The following SRRT variants were observed in gnomAD, a reference collection of about 807,000 sequenced individuals.
The protein encoded by SRRT is serrate, RNA effector molecule, also known as serrate RNA effector molecule homolog.
In SRRT, 32 loss-of-function variants were observed where a neutral mutation model predicts 103.2. The ratio of observed to expected loss-of-function variants is 0.31; its 90% CI spans 0.23 to 0.42. The LOEUF is 0.42. SRRT is among the 10% of genes least tolerant of loss of function. The probability of loss-of-function intolerance (pLI) is 1.00; values close to 1 mark genes in which losing one functional copy is unlikely to be tolerated. For synonymous variants in SRRT, 525 were observed against 449.0 expected, an observed-to-expected ratio of 1.17 and a Z score of -2.14; for missense variants, 986 against 1,207.5, an observed-to-expected ratio of 0.82 and a Z score of 2.72.
chr7:100,888,482 G>C lies in SRRT; in HGVS notation c.2564G>C (p.Arg855Pro), dbSNP rs1563028317. 1 of 1,614,146 alleles carries C rather than the reference G, an allele frequency of 6.2e-7. No individual in the cohort carries two copies. Among genetic ancestry groups the C allele is most frequent in the Non-Finnish European group, 8.5e-7 (1 of 1,180,006 alleles). ...TACCTCTCACCTCACAGGATGGTTC[G>C]TGGAGACCCAAGGGCCATTGTGGAA... ...YPGKPRNRMV[R>P]GDPRAIVEYR... The change falls in exon 20 of 20, where the codon CGT becomes CCT. Residue 855 changes from arginine to proline, a missense_variant. By Grantham distance (103) the Arg-to-Pro change is moderately radical (BLOSUM62 -2). Around this residue, in one of 6 missense-constraint regions of SRRT, gnomAD observed 178 missense variants for 189.6 expected, o/e 0.94. Transcript: ENST00000611405.
chr7:100,880,824 G>T, intron 2 of SRRT: 1 of 313,164 alleles, frequency 3.2e-6, no homozygotes, highest in Non-Finnish European at 6.5e-6. Context: ...CAGGCGGAAG[G>T]CCAGGCTGGG....
At position 100,887,642 on chromosome 7, in the gene SRRT, G is replaced by A. The variant is rs1431922728; in HGVS notation, c.2170-61G>A. ...CGGGAGCTGGGAATCCTTCCAGCTCGGGCCTGGGAGCGAGGCAACCCTTAT... is the reference window on the plus strand; with the variant it reads ...CGGGAGCTGGGAATCCTTCCAGCTCAGGCCTGGGAGCGAGGCAACCCTTAT... On this transcript the variant is annotated intron_variant, in intron 16 of 19. Transcript: ENST00000611405. This position sits in a 1 kb window ranked among gnomAD's most constrained non-coding sequence, Gnocchi z 4.1. The A allele has an allele frequency of 1.2e-5, 19 of 1,580,426 alleles. No homozygotes were observed. Among genetic ancestry groups the A allele is most frequent in the African/African-American group, 8.1e-5 (6 of 74,262 alleles).
chr7:100,886,075 C>T, intron 12 of SRRT, 134 bp downstream of exon 12: 2 of 1,310,692 alleles, frequency 1.5e-6, no homozygotes, highest in East Asian at 2.3e-5. Context: ...GCTACGTTGT[C>T]TCTGGGCAAG....
At position 100,884,397 on chromosome 7, in the gene SRRT, AATGATCTTCGCATCC is replaced by A; in HGVS notation, c.788_802del (p.Asn263_Leu268delinsMet). Reference sequence around the variant, plus strand: ...GATTAAGATGGAAGGAGGCACGGAGAATGATCTTCGCATCCTGGAGCAGGAGGAGGAGGAGGAGCA... The same window carrying A: ...GATTAAGATGGAAGGAGGCACGGAGATGGAGCAGGAGGAGGAGGAGGAGCA... On this transcript the variant is annotated inframe_deletion, in exon 7 of 20. Transcript: ENST00000611405. 6.2e-7 allele frequency: 1 copy of A among 1,613,468 alleles called. No homozygotes were observed. Among genetic ancestry groups the A allele is most frequent in the Non-Finnish European group, 8.5e-7 (1 of 1,179,814 alleles).
chr7:100,885,140 AG>A lies in SRRT; in HGVS notation c.1160-72del. Reference sequence around the variant, plus strand: ...GGAGGGTGGGTGGCTTTTAGGGGAAAGCTTCTGTATCCTCCCCACCACAATC... The same window carrying A: ...GGAGGGTGGGTGGCTTTTAGGGGAAACTTCTGTATCCTCCCCACCACAATC... On this transcript the variant is annotated intron_variant, in intron 9 of 19. Coordinates refer to ENST00000611405, the MANE Select transcript of SRRT (RefSeq NM_015908.6). The surrounding 1 kb of genome is among the most constrained non-coding windows in gnomAD (Gnocchi z 4.8). 1 of 1,601,976 alleles carries A rather than the reference AG, an allele frequency of 6.2e-7. No individual in the cohort carries two copies. Among genetic ancestry groups the A allele is most frequent in the Non-Finnish European group, 8.5e-7 (1 of 1,172,946 alleles).
At position 100,884,552 on chromosome 7, in the gene SRRT, G is replaced by A; in HGVS notation, c.942G>A (p.Gln314=). 3.8e-6 allele frequency: 6 copies of A among 1,597,380 alleles called. No homozygotes were observed. Among genetic ancestry groups the A allele is most frequent in the Non-Finnish European group, 5.1e-6 (6 of 1,170,790 alleles). ...ATGAGAAGAAGGAAGACGGCAAGCA[G>A]GTCCGAGCCCTGGGTCTCCTAGTGT... is the stretch of plus-strand genomic sequence containing the variant. ...DKDEKKEDGK[Q]AENDSSNDDK... The change falls in exon 7 of 20, where the codon CAG becomes CAA. Residue 314 remains glutamine, a splice_region_variant and synonymous_variant. Coordinates refer to ENST00000611405, the MANE Select transcript of SRRT (RefSeq NM_015908.6).
Position 100,884,997 on chromosome 7 carries a change from G to C in SRRT, c.1116G>C (p.Ser372=). 1 of 1,614,084 alleles carries C rather than the reference G, an allele frequency of 6.2e-7. No individual in the cohort carries two copies. The highest frequency in any genetic ancestry group is 8.5e-7 in the Non-Finnish European group (1 of 1,180,006). ...FDEGSVSESE[S]ESESGQAEEE... is the part of the protein sequence containing the mutation. ...AGGGCAGCGTGTCAGAGTCTGAGTC[G>C]GAGTCAGAGAGCGGCCAGGCTGAGG... Residue 372 remains serine (S), a synonymous_variant, in exon 9 of 20, where the codon TCG becomes TCC. Transcript: ENST00000611405.
At chr7:100,881,224 G>T in intron 2 of SRRT, 61 bp from the exon 3 acceptor site, 1 of 1,564,620 alleles carries the variant, frequency 6.4e-7, no homozygotes, top group Non-Finnish European at 8.7e-7. Flanking sequence ...AAAGTGCTTG[G>T]ATTACAGGCA....
rs1307079534 is a variant in SRRT at position 100,885,358 on chromosome 7, C to T, written c.1305C>T (p.Ala435=). 7 of 1,613,436 alleles carry T rather than the reference C, an allele frequency of 4.3e-6. No individual in the cohort carries two copies. The highest frequency in any genetic ancestry group is 1.7e-4 in the Middle Eastern group (1 of 6,056). The stretch of plus-strand genomic sequence containing the variant: ...ACATCGCGCCCAACATCTCCCGGGC[C>T]GAGATCATCTCCGTGAGTGGGGACC... ...MRNIAPNISR[A]EIISLCKRYP... The change falls in exon 10 of 20, where the codon GCC becomes GCT. Residue 435 remains alanine, a synonymous_variant. Transcript: ENST00000611405. The surrounding 1 kb of genome is among the most constrained non-coding windows in gnomAD (Gnocchi z 4.8).
chr7:100,886,222 G>A, intron 12 of SRRT, 25 bp from the exon 13 acceptor site: 1 of 1,601,682 alleles, frequency 6.2e-7, no homozygotes. Context: ...AGTGGGGTAA[G>A]CTGCTGATGA....
In SRRT at chr7:100,875,278, C is replaced by T; in HGVS notation, c.-69C>T. On this transcript the variant is annotated 5_prime_UTR_variant, in exon 1 of 20. Coordinates refer to ENST00000611405, the MANE Select transcript of SRRT (RefSeq NM_015908.6). ...TCGCGCGCCCGCGACCCAGGTCGCC[C>T]TGAAATCTAGCCCGTCCGAGCGCGA... 1.2e-6 allele frequency: 1 copy of T among 814,512 alleles called. No individual in the cohort carries two copies. Among genetic ancestry groups the T allele is most frequent in the Non-Finnish European group, 1.6e-6 (1 of 621,016 alleles). 50.5% of individuals were successfully genotyped at this position (814,512 alleles called of 1,614,324 possible). A position where few individuals can be genotyped will look rare whatever the true frequency, so the allele number is the denominator to read the frequency against.
At chr7:100,880,315 G>GT (rs1816166697) in intron 2 of SRRT, among the ~76,000 whole-genome samples, 1 of 151,984 alleles carries the variant, frequency 6.6e-6, no homozygotes, top group South Asian at 2.1e-4. Flanking sequence ...TCTTTTTTTG[G>GT]TGGGGGGGAT....
In SRRT at chr7:100,885,714, AC is replaced by A. The variant is rs1790024966; in HGVS notation, c.1334del (p.Pro445GlnfsTer23). ...TGCTTCTTGCAGCTTTGTAAAAGGT[AC>A]CCAGGCTTTATGCGGGTGGCGCTCT... Reference protein sequence around the residue: ...RAEIISLCKRYPGFMRVALSE... With the variant: ...RAEIISLCKRXPGFMRVALSE... On this transcript the variant is annotated frameshift_variant, in exon 11 of 20. Coordinates refer to ENST00000611405, the MANE Select transcript of SRRT (RefSeq NM_015908.6). LOFTEE classifies it high-confidence loss of function. The surrounding 1 kb of genome is among the most constrained non-coding windows in gnomAD (Gnocchi z 4.8). The A allele has an allele frequency of 1.2e-6, 2 of 1,612,818 alleles. No individual in the cohort carries two copies. The highest frequency in any genetic ancestry group is 1.7e-6 in the Non-Finnish European group (2 of 1,179,366).
chr7:100,886,395 A>AG lies in SRRT; in HGVS notation c.1608dup (p.Leu537AlafsTer50). On this transcript the variant is annotated frameshift_variant, in exon 13 of 20. Transcript: ENST00000611405. LOFTEE classifies it high-confidence loss of function. ...ATCCACACGCTGGATGACAGGACAC[A>AG]GCTTTGGGCCTCAGAACCAGGGACG... The AG allele has an allele frequency of 6.2e-7, 1 of 1,613,584 alleles. No homozygotes were observed. Among genetic ancestry groups the AG allele is most frequent in the Non-Finnish European group, 8.5e-7 (1 of 1,180,002 alleles).
intron 13 of SRRT, 38 bp downstream of exon 13, chr7:100,886,473 G>C (rs1381953400): frequency 1.3e-6 from 2 of 1,572,350 alleles, no homozygotes; most frequent in East Asian, 2.3e-5. Context: ...AGAAGCAACT[G>C]GTAGTGCCTC....
intron 1 of SRRT, 30 bp from the exon 2 acceptor site, chr7:100,875,543 C>G (rs764097768): frequency 6.2e-7 from 1 of 1,610,852 alleles, no homozygotes; most frequent in Non-Finnish European, 8.5e-7. Flanking sequence ...TCCTTTTGCA[C>G]CACTCCTACC....
rs997058569 is a variant in SRRT, at chr7:100,885,122, G to A, written c.1159+82G>A. 2.4e-5 allele frequency: 39 copies of A among 1,603,098 alleles called. No homozygotes were observed. The highest frequency in any genetic ancestry group is 3.3e-5 in the Non-Finnish European group (39 of 1,173,456). On this transcript the variant is annotated intron_variant, in intron 9 of 19. Transcript: ENST00000611405. This position sits in a 1 kb window ranked among gnomAD's most constrained non-coding sequence, Gnocchi z 4.8. ...AGGTTGGCGACATTGACGGGAGGGT[G>A]GGTGGCTTTTAGGGGAAAGCTTCTG...
Position 100,888,644 on chromosome 7 carries a change from A to G in SRRT, c.*95A>G. ...TTTTTGTACGATCAGCCTTACTGCT[A>G]ATAAAAGCACTTCCACAGGGCTCCT... is the stretch of plus-strand genomic sequence containing the variant. On this transcript the variant is annotated 3_prime_UTR_variant, in exon 20 of 20. Transcript: ENST00000611405. 6.5e-7 allele frequency: 1 copy of G among 1,529,062 alleles called. No homozygotes were observed. The highest frequency in any genetic ancestry group is 9.1e-7 in the Non-Finnish European group (1 of 1,104,498). The allele number at this position is 1,529,062 out of a possible 1,614,324, so 94.7% of individuals were successfully genotyped here.
intron 2 of SRRT, among the ~76,000 whole-genome samples, chr7:100,878,915 T>C (rs1413530581): frequency 2.0e-5 from 3 of 152,044 alleles, no homozygotes; most frequent in African/African-American, 7.2e-5. Context: ...CTTTCTTTTC[T>C]TTTCTTTTCC....
Sources: allele counts gnomAD v4.1 joint callset (sites outside exome capture counted in the v4.1 genomes callset), GRCh38; gene constraint gnomAD v4.1.1; regional missense constraint gnomAD v4.1.1; non-coding constraint Gnocchi (gnomAD v3.1); transcripts MANE v1.5; gene names NCBI Gene and HGNC (gene_info 2026-07-23, HGNC 2026-07-21).